The following PAH variants were observed in gnomAD, a reference collection of about 807,000 sequenced individuals.
PAH encodes the protein phenylalanine-4-hydroxylase.
PAH carries 64 observed loss-of-function variants against 62.0 expected under a neutral mutation model. The observed-to-expected ratio is 1.03, with a 90% confidence interval of 0.84 to 1.27. The LOEUF (loss-of-function observed/expected upper bound fraction) is 1.27, where lower values mean the gene tolerates loss of function less well. Ranked by LOEUF, PAH falls within the 50% of genes most tolerant of loss-of-function variation. The pLI, the probability that PAH is intolerant of heterozygous loss-of-function variation, is 0.00. For missense variants in PAH, 579 were observed against 542.8 expected (o/e 1.07, Z -0.66); for synonymous variants, 195 against 196.2 (o/e 0.99, Z 0.05).
chr12:102,899,052 C>G (rs541033848), intron 2 of PAH, among the ~76,000 whole-genome samples: 1 of 152,156 alleles, frequency 6.6e-6, no homozygotes, highest in Admixed American at 6.5e-5. Context: ...ATAGATAGAT[C>G]TGAAGCTTTC....
intron 8 of PAH, chr12:102,847,300 G>A: frequency 2.9e-6 from 1 of 343,760 alleles, no homozygotes; most frequent in Non-Finnish European, 5.6e-6. Flanking sequence ...AATATTCCTG[G>A]AATGTTAAAT....
intron 3 of PAH, among the ~76,000 whole-genome samples, chr12:102,889,971 C>T (rs867119527): frequency 6.6e-6 from 1 of 152,158 alleles, no homozygotes; most frequent in Non-Finnish European, 1.5e-5. Context: ...GGAGAATAGA[C>T]CTCAAGTATT....
chr12:102,886,477 T>C (rs1877049001), intron 3 of PAH, among the ~76,000 whole-genome samples: 1 of 152,204 alleles, frequency 6.6e-6, no homozygotes, highest in African/African-American at 2.4e-5. Flanking sequence ...ACATTATCCA[T>C]TGGCAGGTTG....
chr12:102,861,279 A>T (rs1165232604), intron 5 of PAH, among the ~76,000 whole-genome samples: 1 of 152,248 alleles, frequency 6.6e-6, no homozygotes, highest in East Asian at 1.9e-4. Flanking sequence ...AACCACAGTG[A>T]GATACCATCT....
intron 2 of PAH, among the ~76,000 whole-genome samples, chr12:102,910,511 C>T (rs1878163736): frequency 6.6e-6 from 1 of 152,056 alleles, no homozygotes; most frequent in Non-Finnish European, 1.5e-5. Context: ...GGTGGGACTA[C>T]AGGCACCCAC....
intron 3 of PAH, among the ~76,000 whole-genome samples, chr12:102,893,834 A>G (rs1460597650): frequency 2.0e-5 from 3 of 152,226 alleles, no homozygotes; most frequent in South Asian, 2.1e-4. Flanking sequence ...GACAACTCCT[A>G]TATTAGTCAT....
chr12:102,876,172 G>C (rs1167596139), intron 4 of PAH, among the ~76,000 whole-genome samples: 1 of 152,070 alleles, frequency 6.6e-6, no homozygotes, highest in East Asian at 1.9e-4. Context: ...TGAAATTATG[G>C]TTGCTTTTCA....
At chr12:102,851,832 G>C (rs1875167243) in intron 7 of PAH, 76 bp from the exon 8 acceptor site, 1 of 1,047,250 alleles carries the variant, frequency 9.5e-7, no homozygotes, top group African/African-American at 1.6e-5. Flanking sequence ...TCTACATGAG[G>C]AATGGGCAGA....
intron 11 of PAH, among the ~76,000 whole-genome samples, chr12:102,842,497 A>G (rs984670978): frequency 6.6e-6 from 1 of 152,222 alleles, no homozygotes; most frequent in African/African-American, 2.4e-5. Context: ...TCTTTATTCC[A>G]AAGGGTTCTC....
intron 3 of PAH, among the ~76,000 whole-genome samples, chr12:102,886,685 C>T (rs1188687653): frequency 6.6e-6 from 1 of 152,304 alleles, no homozygotes; most frequent in African/African-American, 2.4e-5. Context: ...TTCTCATCAA[C>T]TGACCCCACG....
intron 1 of PAH, among the ~76,000 whole-genome samples, chr12:102,940,879 C>T (rs931129602): frequency 5.9e-5 from 9 of 152,120 alleles, no homozygotes; most frequent in South Asian, 2.1e-4. Flanking sequence ...ATCAGAATCT[C>T]GAAGGTCAGT....
At chr12:102,846,105 C>G (rs1008133179) in intron 9 of PAH, among the ~76,000 whole-genome samples, 3 of 152,034 alleles carry the variant, frequency 2.0e-5, no homozygotes, top group Non-Finnish European at 4.4e-5. Flanking sequence ...TTGAGATGGG[C>G]AAGATATGAG....
Position 102,837,974 on chromosome 12 carries a change from C to A in PAH, c.*1201G>T, listed in dbSNP as rs1874432908. The A allele has an allele frequency of 6.6e-6, 1 of 152,218 alleles. No homozygotes were observed. Among genetic ancestry groups the A allele is most frequent in the Non-Finnish European group, 1.5e-5 (1 of 68,040 alleles). The allele number at this position is 152,218 out of a possible 1,614,324, so 9.4% of individuals were successfully genotyped here. ...TGCTGTTGATGATACTACAGCTGTT[C>A]TGAGAACTAAACTCAAAGAAACACT... On this transcript the variant is annotated 3_prime_UTR_variant, in exon 13 of 13. Transcript: ENST00000553106.
At chr12:102,927,188 A>G (rs1239504975) in intron 1 of PAH, among the ~76,000 whole-genome samples, 1 of 152,056 alleles carries the variant, frequency 6.6e-6, no homozygotes, top group African/African-American at 2.4e-5. Flanking sequence ...GAAAAATTCA[A>G]GGTGAAAGCT....
At position 102,885,533 on chromosome 12, in the gene PAH, A is replaced by G. The variant is rs528418733; in HGVS notation, c.353-7983T>C. ...CGGAGGCACCCGGTGGGGGCAGATC[A>G]TTAATAAATATTGATTTGGCTCCAA... On this transcript the variant is annotated intron_variant, in intron 3 of 12. Coordinates refer to ENST00000553106, the MANE Select transcript of PAH (RefSeq NM_000277.3). Among the ~76,000 whole-genome samples, 8 of 152,246 alleles carry G rather than the reference A, an allele frequency of 5.3e-5. No homozygotes were observed. The South Asian group carries it at 1.5e-3, about 28-fold the overall frequency.
chr12:102,876,465 C>T (rs1268066260), intron 4 of PAH, among the ~76,000 whole-genome samples: 1 of 152,216 alleles, frequency 6.6e-6, no homozygotes, highest in Non-Finnish European at 1.5e-5. Context: ...TGCTTTGCCT[C>T]CTGAAAAGCG....
chr12:102,958,234 C>T (rs747501808), exon 1 of PAH: 8 of 1,460,708 alleles, frequency 5.5e-6, no homozygotes, highest in Admixed American at 2.5e-5. Context: ...ACTCCTTGGC[C>T]GCCGCTGCGC....
chr12:102,879,379 C>T (rs1290233103), intron 3 of PAH, among the ~76,000 whole-genome samples: 1 of 151,472 alleles, frequency 6.6e-6, no homozygotes. Context: ...CAGGAAAGAG[C>T]ATGTGTGCTA....
intron 3 of PAH, among the ~76,000 whole-genome samples, chr12:102,893,021 A>G (rs1190616362): frequency 6.6e-6 from 1 of 152,204 alleles, no homozygotes; most frequent in Non-Finnish European, 1.5e-5. Flanking sequence ...ATGTTAATAG[A>G]AGAAACTGAG....
Sources: gnomAD v4.1 joint callset for allele counts (sites outside exome capture counted in the v4.1 genomes callset) on GRCh38, gnomAD v4.1.1 for gene constraint, MANE v1.5 for transcripts, NCBI Gene and HGNC (gene_info 2026-07-23, HGNC 2026-07-21) for gene names.